Variants in TMEM150C observed in about 807,000 individuals in gnomAD.
TMEM150C encodes tentonin 3.
TMEM150C carries 10 observed loss-of-function variants against 29.9 expected under a neutral mutation model. That is an observed-to-expected ratio of 0.33 (90% CI 0.21 to 0.57). The LOEUF is 0.57. TMEM150C is among the 20% of genes least tolerant of loss of function. TMEM150C has a pLI of 0.88. For missense variants in TMEM150C, 251 were observed against 303.6 expected (o/e 0.83, Z 1.29); for synonymous variants, 101 against 112.5 (o/e 0.90, Z 0.64).
intron 6 of TMEM150C, chr4:82,495,041 TG>T: frequency 8.1e-7 from 1 of 1,234,786 alleles, no homozygotes; most frequent in Non-Finnish European, 1.1e-6. Flanking sequence ...GCAGGACACG[TG>T]GAGTAACAAG....
At chr4:82,530,164 CAA>C (rs1491421807) in intron 1 of TMEM150C, among the ~76,000 whole-genome samples, 4 of 151,198 alleles carry the variant, frequency 2.6e-5, no homozygotes, top group Non-Finnish European at 4.4e-5. Flanking sequence ...ATGGAAGAAA[CAA>C]GAGAGAGAGA....
At chr4:82,534,743 T>A (rs536062600) in intron 1 of TMEM150C, among the ~76,000 whole-genome samples, 3 of 152,184 alleles carry the variant, frequency 2.0e-5, no homozygotes, top group African/African-American at 7.2e-5. Flanking sequence ...CCCAAGTGAT[T>A]GTAATACACA....
At chr4:82,545,655 T>G (rs1206728365) in intron 1 of TMEM150C, among the ~76,000 whole-genome samples, 1 of 152,138 alleles carries the variant, frequency 6.6e-6, no homozygotes. Context: ...CTTGGCCAGG[T>G]ACAGTGGCTG....
At chr4:82,523,892 G>A (rs1194472581) in intron 1 of TMEM150C, among the ~76,000 whole-genome samples, 1 of 151,574 alleles carries the variant, frequency 6.6e-6, no homozygotes. Flanking sequence ...ATGTTGGCCA[G>A]GCTGGTCTTG....
At chr4:82,507,742 T>C (rs1723984816) in intron 1 of TMEM150C, among the ~76,000 whole-genome samples, 2 of 41,676 alleles carry the variant, frequency 4.8e-5, no homozygotes, top group Non-Finnish European at 8.0e-5. Flanking sequence ...TTTTTTTTTT[T>C]TTTTTTTTTT....
intron 1 of TMEM150C, among the ~76,000 whole-genome samples, chr4:82,555,375 T>C (rs75458691): frequency 0.046 from 6,993 of 152,142 alleles, 560 homozygotes; most frequent in African/African-American, 0.16. Context: ...AGTTAGGAAG[T>C]GGTTAGGAGG....
chr4:82,546,647 T>A (rs531527626), intron 1 of TMEM150C, among the ~76,000 whole-genome samples: 3 of 152,062 alleles, frequency 2.0e-5, no homozygotes, highest in African/African-American at 7.2e-5. Context: ...GCTAACACAG[T>A]GAAACCCCGT....
At chr4:82,485,932 T>A (rs1200436282) in intron 7 of TMEM150C, among the ~76,000 whole-genome samples, 2 of 152,242 alleles carry the variant, frequency 1.3e-5, no homozygotes, top group Non-Finnish European at 2.9e-5. Flanking sequence ...TTAGGTGCTT[T>A]CATGGATAGT....
intron 1 of TMEM150C, among the ~76,000 whole-genome samples, chr4:82,540,393 T>C (rs1474220472): frequency 6.6e-6 from 1 of 151,838 alleles, no homozygotes; most frequent in African/African-American, 2.4e-5. Context: ...GGGAACACAG[T>C]GTGAGCAACC....
intron 1 of TMEM150C, among the ~76,000 whole-genome samples, chr4:82,505,828 G>A (rs1159938697): frequency 6.6e-6 from 1 of 152,178 alleles, no homozygotes; most frequent in African/African-American, 2.4e-5. Flanking sequence ...AGCTCCAGAA[G>A]TATCTATGAA....
intron 7 of TMEM150C, 86 bp from the exon 8 acceptor site, chr4:82,485,805 G>T: frequency 7.7e-7 from 1 of 1,291,878 alleles, no homozygotes; most frequent in Non-Finnish European, 1.1e-6. Flanking sequence ...TATAGGAAAA[G>T]TCTGGCTTTC....
At chr4:82,496,020 A>G in intron 6 of TMEM150C, 48 bp downstream of exon 6, 1 of 1,611,224 alleles carries the variant, frequency 6.2e-7, no homozygotes, top group African/African-American at 1.3e-5. Context: ...CTCAGAAGTG[A>G]AGGTCTTACC....
chr4:82,554,389 TGG>T (rs1296722127), intron 1 of TMEM150C, among the ~76,000 whole-genome samples: 1 of 152,188 alleles, frequency 6.6e-6, no homozygotes, highest in Non-Finnish European at 1.5e-5. Flanking sequence ...TGCATTACAA[TGG>T]TATCAACATT....
At chr4:82,506,627 GCAAT>G (rs1723930924) in intron 1 of TMEM150C, among the ~76,000 whole-genome samples, 1 of 152,126 alleles carries the variant, frequency 6.6e-6, no homozygotes, top group Admixed American at 6.5e-5. Context: ...AACATTCTAC[GCAAT>G]ATATAAAAGC....
intron 2 of TMEM150C, among the ~76,000 whole-genome samples, chr4:82,504,092 C>G (rs376016128): frequency 6.6e-6 from 1 of 152,100 alleles, no homozygotes; most frequent in Non-Finnish European, 1.5e-5. Flanking sequence ...ACTCTTGTTA[C>G]TTACTTTGGT....
At position 82,496,166 on chromosome 4, in the gene TMEM150C, G is replaced by T. The variant is rs1213010815; in HGVS notation, c.265C>A (p.Gln89Lys). Residue 89 changes from glutamine (Q) to lysine (K), a missense_variant, in exon 6 of 8, where the codon CAA becomes AAA. By Grantham distance (53) the Gln-to-Lys change is moderately conservative (BLOSUM62 1). Transcript: ENST00000449862. ...ALVVAVLRFI[Q>K]LKPKVLNPWL... Reference sequence around the variant, plus strand: ...GGGTTTAAAACCTTCGGTTTCAGTTGTATGAAGCGCAGAACAGCTACCACA... The same window carrying T: ...GGGTTTAAAACCTTCGGTTTCAGTTTTATGAAGCGCAGAACAGCTACCACA... 1 of 1,613,814 alleles carries T rather than the reference G, an allele frequency of 6.2e-7. No individual in the cohort carries two copies. The highest frequency in any genetic ancestry group is 8.5e-7 in the Non-Finnish European group (1 of 1,179,866).
chr4:82,505,829 T>C (rs1440847062), intron 1 of TMEM150C, among the ~76,000 whole-genome samples: 1 of 152,180 alleles, frequency 6.6e-6, no homozygotes, highest in African/African-American at 2.4e-5. Context: ...GCTCCAGAAG[T>C]ATCTATGAAA....
intron 1 of TMEM150C, among the ~76,000 whole-genome samples, chr4:82,549,933 G>A (rs1416328778): frequency 1.3e-5 from 2 of 152,128 alleles, no homozygotes; most frequent in African/African-American, 4.8e-5. Context: ...CAAAAACCCT[G>A]GACCCAAAGG....
At chr4:82,531,754 C>CAAAAAA (rs757992713) in intron 1 of TMEM150C, among the ~76,000 whole-genome samples, 3 of 62,292 alleles carry the variant, frequency 4.8e-5, no homozygotes, top group East Asian at 7.1e-4. Flanking sequence ...GACTCTGTCT[C>CAAAAAA]AAAAAAAAAA....
Sources: gnomAD v4.1 joint callset for allele counts (sites outside exome capture counted in the v4.1 genomes callset) on GRCh38, gnomAD v4.1.1 for gene constraint, MANE v1.5 for transcripts, NCBI Gene and HGNC (gene_info 2026-07-23, HGNC 2026-07-21) for gene names.